The following CDCP2 variants were observed in gnomAD, a reference collection of about 807,000 sequenced individuals.
The protein encoded by CDCP2 is CUB domain-containing protein 2.
Under a neutral mutation model 31.0 loss-of-function variants are expected in CDCP2, and 31 were observed. That is an observed-to-expected ratio of 1.00 (90% CI 0.75 to 1.35). The LOEUF (loss-of-function observed/expected upper bound fraction) is 1.35, where lower values mean the gene tolerates loss of function less well. CDCP2 is among the 40% of genes most tolerant of loss of function. The pLI, the probability that CDCP2 is intolerant of heterozygous loss-of-function variation, is 0.00. For synonymous variants in CDCP2, 206 were observed against 207.9 expected, an observed-to-expected ratio of 0.99 and a Z score of 0.08; for missense variants, 443 against 482.6, an observed-to-expected ratio of 0.92 and a Z score of 0.77.
chr1:54,147,678 T>C (rs551521673), intron 1 of CDCP2, among the ~76,000 whole-genome samples: 1 of 151,884 alleles, frequency 6.6e-6, no homozygotes, highest in South Asian at 2.1e-4. Context: ...GGAAAACTTA[T>C]TTATAGAAGA....
intron 5 of CDCP2, 76 bp from the exon 6 acceptor site, chr1:54,133,370 C>A: frequency 2.5e-6 from 1 of 398,128 alleles, no homozygotes; most frequent in South Asian, 1.4e-4. Flanking sequence ...GTGGGGTTCT[C>A]AGTACCAGGG....
At chr1:54,152,943 C>T (rs1227664401), upstream of CDCP2, 2 of 1,613,422 alleles carry the variant, frequency 1.2e-6, no homozygotes, top group South Asian at 2.2e-5. Flanking sequence ...GGGGCCCCCA[C>T]AGGTCTGCCG....
chr1:54,133,913 C>CAAAAAAAAAAAAAAA (rs1553173250), intron 5 of CDCP2, among the ~76,000 whole-genome samples: 1 of 144,790 alleles, frequency 6.9e-6, no homozygotes, highest in African/African-American at 2.6e-5. Flanking sequence ...AACAAACAAA[C>CAAAAAAAAAAAAAAA]AAAAAAAACC....
intron 1 of CDCP2, among the ~76,000 whole-genome samples, chr1:54,145,754 A>G (rs1570068728): frequency 6.6e-6 from 1 of 152,240 alleles, no homozygotes; most frequent in East Asian, 1.9e-4. Flanking sequence ...CAGGGGAAGT[A>G]GTAAAAAGAG....
At chr1:54,134,495 C>A (rs1053761404) in intron 5 of CDCP2, among the ~76,000 whole-genome samples, 2 of 152,288 alleles carry the variant, frequency 1.3e-5, no homozygotes, top group East Asian at 3.9e-4. Context: ...CAGAACTACT[C>A]TCCCAACCAC....
At chr1:54,146,565 T>C (rs1659475103) in intron 1 of CDCP2, among the ~76,000 whole-genome samples, 1 of 151,952 alleles carries the variant, frequency 6.6e-6, no homozygotes. Flanking sequence ...TGATTATTTT[T>C]ATGTTTTAAA....
chr1:54,139,670 G>A (rs776399884), intron 4 of CDCP2, 83 bp downstream of exon 4: 26 of 1,613,936 alleles, frequency 1.6e-5, no homozygotes, highest in Admixed American at 5.0e-5. Flanking sequence ...AAACTGGTGG[G>A]ATGGAGGAAG....
chr1:54,139,803 T>C (rs1659328828), exon 4 of CDCP2: 1 of 1,614,034 alleles, frequency 6.2e-7, no homozygotes, highest in Admixed American at 1.7e-5. Context: ...GCGGTCTGTG[T>C]GCAGCAGAAG....
At chr1:54,136,364 G>C (rs1659258542) in intron 5 of CDCP2, among the ~76,000 whole-genome samples, 5 of 152,224 alleles carry the variant, frequency 3.3e-5, no homozygotes. Context: ...GCAGCAGCTG[G>C]GGTTAGGAAA....
exon 4 of CDCP2, chr1:54,139,969 C>T: frequency 6.2e-7 from 1 of 1,614,130 alleles, no homozygotes; most frequent in Non-Finnish European, 8.5e-7. Context: ...AGGTCCAGGT[C>T]CAGGAAGAAC....
chr1:54,148,003 C>T (rs1659504995), intron 1 of CDCP2, among the ~76,000 whole-genome samples: 1 of 151,072 alleles, frequency 6.6e-6, no homozygotes, highest in Non-Finnish European at 1.5e-5. Context: ...CAGAGAAAGA[C>T]CCTGTCTCAA....
chr1:54,150,679 G>A (rs935214539), intron 1 of CDCP2, among the ~76,000 whole-genome samples: 3 of 152,184 alleles, frequency 2.0e-5, no homozygotes, highest in African/African-American at 7.2e-5. Context: ...TGTGAGAAGT[G>A]GAAGTAGCCC....
chr1:54,134,163 C>A (rs1013268291), intron 5 of CDCP2, among the ~76,000 whole-genome samples: 5 of 152,208 alleles, frequency 3.3e-5, no homozygotes, highest in African/African-American at 1.2e-4. Context: ...CCTGGAAGGG[C>A]GATGACTTGC....
chr1:54,133,909 C>CAAACAAACAAAAAAAAAAAA (rs761868807), intron 5 of CDCP2, among the ~76,000 whole-genome samples: 7 of 9,902 alleles, frequency 7.1e-4, no homozygotes, highest in East Asian at 0.013. Flanking sequence ...AACAAACAAA[C>CAAACAAACAAAAAAAAAAAA]AAACAAAAAA....
At chr1:54,132,969 C>A in exon 6 of CDCP2, 2 of 398,880 alleles carry the variant, frequency 5.0e-6, no homozygotes, top group South Asian at 2.6e-4. Context: ...GCTGTCTATT[C>A]AAAGCAGCAT....
exon 2 of CDCP2, chr1:54,144,673 C>A: frequency 6.2e-7 from 1 of 1,614,226 alleles, no homozygotes; most frequent in South Asian, 1.1e-5. Flanking sequence ...AGGTCAAAGG[C>A]ATGGAAGGTG....
At position 54,144,658 on chromosome 1, in the gene CDCP2, A is replaced by G. The variant is rs200413668; in HGVS notation, c.235T>C (p.Tyr79His). The stretch of plus-strand genomic sequence containing the variant: ...AAGTCGAAGCTGCAGGTGTCGTGGT[A>G]CTCTAGGTCAAAGGCATGGAAGGTG... Residue 79 changes from tyrosine (Y) to histidine (H), a missense_variant, in exon 2 of 6, where the codon TAC becomes CAC. Coordinates refer to ENST00000530059, the Ensembl canonical transcript of CDCP2. 33 of 1,614,062 alleles carry G rather than the reference A, an allele frequency of 2.0e-5. No homozygotes were observed. The East Asian group carries it at 6.9e-4, about 34-fold the overall frequency.
intron 1 of CDCP2, among the ~76,000 whole-genome samples, chr1:54,151,597 C>T (rs1659584899): frequency 6.6e-6 from 1 of 152,150 alleles, no homozygotes; most frequent in Non-Finnish European, 1.5e-5. Flanking sequence ...AAAGCTACCT[C>T]CTCCCACCAC....
intron 3 of CDCP2, 59 bp downstream of exon 3, chr1:54,141,039 G>C: frequency 7.1e-7 from 1 of 1,410,052 alleles, no homozygotes; most frequent in African/African-American, 1.4e-5. Flanking sequence ...AAGTGTAATG[G>C]GGAGACAGGA....
Sources: allele counts gnomAD v4.1 joint callset (sites outside exome capture counted in the v4.1 genomes callset), GRCh38; gene constraint gnomAD v4.1.1; transcripts MANE v1.5; gene names NCBI Gene and HGNC (gene_info 2026-07-23, HGNC 2026-07-21).